The following STXBP4 variants were observed in gnomAD, a reference collection of about 807,000 sequenced individuals.
STXBP4 encodes syntaxin-binding protein 4.
In STXBP4, 55 loss-of-function variants were observed where a neutral mutation model predicts 76.1. The ratio of observed to expected loss-of-function variants is 0.72; its 90% CI spans 0.58 to 0.91. The LOEUF (loss-of-function observed/expected upper bound fraction) is 0.91. Ranked by LOEUF, STXBP4 falls within the 40% of genes least tolerant of loss-of-function variation. The pLI is 0.00. For synonymous variants in STXBP4, 201 were observed against 220.2 expected, an observed-to-expected ratio of 0.91 and a Z score of 0.77; for missense variants, 618 against 636.9, an observed-to-expected ratio of 0.97 and a Z score of 0.32.
intron 16 of STXBP4, among the ~76,000 whole-genome samples, chr17:55,112,823 C>A (rs1419890864): frequency 6.6e-6 from 1 of 151,956 alleles, no homozygotes; most frequent in Non-Finnish European, 1.5e-5. Flanking sequence ...GAGGAGCAGT[C>A]AGGACGATGG....
At chr17:55,116,942 T>C (rs974154690) in intron 16 of STXBP4, among the ~76,000 whole-genome samples, 6 of 151,828 alleles carry the variant, frequency 4.0e-5, no homozygotes, top group African/African-American at 1.4e-4. Context: ...GAACCTTTTA[T>C]TAATGAAAAA....
Position 55,160,649 on chromosome 17 carries a change from G to T in STXBP4, c.*738G>T, listed in dbSNP as rs1363028456. Reference sequence around the variant, plus strand: ...CCATACCCTGCTGTCTCCACGGAGGGAGGTCACAGCCCATCACGCAGGACA... The same window carrying T: ...CCATACCCTGCTGTCTCCACGGAGGTAGGTCACAGCCCATCACGCAGGACA... On this transcript the variant is annotated 3_prime_UTR_variant, in exon 18 of 18. Coordinates refer to ENST00000376352, the MANE Select transcript of STXBP4 (RefSeq NM_178509.6). The T allele has an allele frequency of 6.6e-6, 1 of 152,530 alleles. No homozygotes were observed. Among genetic ancestry groups the T allele is most frequent in the Non-Finnish European group, 1.5e-5 (1 of 68,176 alleles). 9.4% of individuals were successfully genotyped at this position (152,530 alleles called of 1,614,324 possible).
chr17:55,062,434 G>A (rs2079005471), intron 12 of STXBP4, among the ~76,000 whole-genome samples: 1 of 151,872 alleles, frequency 6.6e-6, no homozygotes, highest in South Asian at 2.1e-4. Flanking sequence ...CTTTTTTTAT[G>A]GCTGCATAGT....
At chr17:55,022,779 A>AG (rs943461434) in intron 8 of STXBP4, among the ~76,000 whole-genome samples, 2 of 54,536 alleles carry the variant, frequency 3.7e-5, no homozygotes, top group African/African-American at 3.0e-4. Flanking sequence ...GACTATTTTA[A>AG]GAAAAAAGAA....
At chr17:55,077,892 ATC>A (rs2079204254) in intron 13 of STXBP4, among the ~76,000 whole-genome samples, 184 bp from the exon 14 acceptor site, 1 of 152,176 alleles carries the variant, frequency 6.6e-6, no homozygotes, top group Non-Finnish European at 1.5e-5. Context: ...AACTTGCAGT[ATC>A]TCTGTGCAAA....
At chr17:55,145,791 C>G (rs538062530) in intron 17 of STXBP4, among the ~76,000 whole-genome samples, 1 of 152,194 alleles carries the variant, frequency 6.6e-6, no homozygotes, top group South Asian at 2.1e-4. Context: ...GCAGAGCTTG[C>G]TCACTTGCCT....
intron 7 of STXBP4, among the ~76,000 whole-genome samples, chr17:55,005,432 A>T (rs1424229469): frequency 6.6e-6 from 1 of 152,198 alleles, no homozygotes; most frequent in Non-Finnish European, 1.5e-5. Context: ...GGTCATTTTG[A>T]AGATTAATGA....
intron 16 of STXBP4, among the ~76,000 whole-genome samples, chr17:55,083,397 T>C (rs2079282286): frequency 1.3e-5 from 2 of 152,332 alleles, no homozygotes; most frequent in South Asian, 4.1e-4. Flanking sequence ...ATCACATTCC[T>C]AGCACAAAAA....
the STXBP4 span, among the ~76,000 whole-genome samples, chr17:55,208,920 G>GAAA: frequency 1.4e-5 from 2 of 140,556 alleles, no homozygotes; most frequent in Non-Finnish European, 1.6e-5. Context: ...TGTCTCTACA[G>GAAA]AAAAAAAAAA....
chr17:55,065,397 A>G (rs2079039177), intron 12 of STXBP4, among the ~76,000 whole-genome samples: 1 of 152,184 alleles, frequency 6.6e-6, no homozygotes, highest in South Asian at 2.1e-4. Flanking sequence ...CAATTTAATT[A>G]AATCTCTAAA....
the STXBP4 span, among the ~76,000 whole-genome samples, chr17:55,187,430 A>T: frequency 6.6e-5 from 9 of 135,892 alleles, no homozygotes; most frequent in African/African-American, 2.1e-4. Flanking sequence ...CTTATGATTT[A>T]AAAAAAAAAA....
chr17:54,995,047 T>A (rs1404416565), intron 4 of STXBP4, among the ~76,000 whole-genome samples: 1 of 152,224 alleles, frequency 6.6e-6, no homozygotes, highest in Non-Finnish European at 1.5e-5. Flanking sequence ...GATTGTTTAA[T>A]CATCTCTGCC....
chr17:55,203,459 G>A, the STXBP4 span, among the ~76,000 whole-genome samples: 4 of 152,080 alleles, frequency 2.6e-5, no homozygotes, highest in Admixed American at 2.6e-4. Context: ...TTGTAGAATG[G>A]GTGGATGGTA....
chr17:55,152,271 C>T (rs2080225291), intron 17 of STXBP4, among the ~76,000 whole-genome samples: 1 of 152,134 alleles, frequency 6.6e-6, no homozygotes, highest in Non-Finnish European at 1.5e-5. Context: ...CACTTCCCTA[C>T]CCTCCAGAAA....
intron 16 of STXBP4, among the ~76,000 whole-genome samples, chr17:55,125,479 CAAAAAAAA>C (rs10632680): frequency 0.036 from 3,262 of 91,786 alleles, 80 homozygotes; most frequent in Non-Finnish European, 0.048. Context: ...GGACAAAATA[CAAAAAAAA>C]AAAAAAAAAA....
chr17:55,001,374 A>G (rs2077911339), intron 7 of STXBP4, among the ~76,000 whole-genome samples: 1 of 152,320 alleles, frequency 6.6e-6, no homozygotes, highest in African/African-American at 2.4e-5. Flanking sequence ...CTTAATTACC[A>G]TAAAATGATT....
At chr17:55,102,978 G>GT (rs1330107182) in intron 16 of STXBP4, among the ~76,000 whole-genome samples, 2 of 151,902 alleles carry the variant, frequency 1.3e-5, no homozygotes, top group African/African-American at 4.8e-5. Context: ...GGGGTTGTTT[G>GT]TTTTTTTCTT....
At chr17:55,082,591 A>G (rs1216224884) in intron 16 of STXBP4, among the ~76,000 whole-genome samples, 1 of 152,092 alleles carries the variant, frequency 6.6e-6, no homozygotes, top group East Asian at 1.9e-4. Context: ...TAATGATAGG[A>G]TGTTTAGCAT....
chr17:55,115,973 A>G (rs188332206), intron 16 of STXBP4, among the ~76,000 whole-genome samples: 37 of 151,908 alleles, frequency 2.4e-4, no homozygotes, highest in African/African-American at 8.9e-4. Context: ...TTCTTTTCTG[A>G]ATTGTTGAGG....
Sources: gnomAD v4.1 joint callset for allele counts (sites outside exome capture counted in the v4.1 genomes callset) on GRCh38, gnomAD v4.1.1 for gene constraint, MANE v1.5 for transcripts, NCBI Gene and HGNC (gene_info 2026-07-23, HGNC 2026-07-21) for gene names.